Variants in DOCK9 observed in about 807,000 individuals in gnomAD.
DOCK9 encodes the protein dedicator of cytokinesis protein 9.
In DOCK9, 89 loss-of-function variants were observed where a neutral mutation model predicts 263.3. The ratio of observed to expected loss-of-function variants is 0.34; its 90% CI spans 0.28 to 0.40. DOCK9 has a LOEUF of 0.40. DOCK9 is among the 10% of genes least tolerant of loss of function. The pLI, the probability that DOCK9 is intolerant of heterozygous loss-of-function variation, is 1.00. For synonymous variants in DOCK9, 976 were observed against 973.1 expected (o/e 1.00, Z -0.06); for missense variants, 2,140 against 2,603.4 (o/e 0.82, Z 3.87).
rs373041903 is a variant in DOCK9, at chr13:98,914,314, T to A, written c.960+14A>T. The stretch of plus-strand genomic sequence containing the variant: ...AGCATTCAACGAAGAGCAGAAGATA[T>A]AAGACGATGTTACCTTGGCAAGTTC... On this transcript the variant is annotated intron_variant, in intron 9 of 52. Transcript: ENST00000682017. 6.2e-7 allele frequency: 1 copy of A among 1,603,712 alleles called. No individual in the cohort carries two copies. Among genetic ancestry groups the A allele is most frequent in the South Asian group, 1.1e-5 (1 of 88,654 alleles).
intron 1 of DOCK9, among the ~76,000 whole-genome samples, chr13:99,007,792 C>A (rs921163566): frequency 1.3e-5 from 2 of 152,132 alleles, no homozygotes; most frequent in Non-Finnish European, 2.9e-5. Context: ...CAACAGGTGA[C>A]CCCATCATCA....
intron 9 of DOCK9, among the ~76,000 whole-genome samples, chr13:98,913,424 GA>G (rs1014917506): frequency 7.9e-5 from 12 of 151,626 alleles, no homozygotes; most frequent in African/African-American, 1.9e-4. Flanking sequence ...GTTTATAATA[GA>G]AAAAAATGAA....
chr13:98,962,074 T>A (rs2058696810), intron 1 of DOCK9, among the ~76,000 whole-genome samples: 1 of 152,134 alleles, frequency 6.6e-6, no homozygotes, highest in Non-Finnish European at 1.5e-5. Context: ...TTTTCTAAAC[T>A]CTCAATAATA....
chr13:98,829,820 T>C lies in DOCK9; in HGVS notation c.4636-64A>G. 1 of 1,427,004 alleles carries C rather than the reference T, an allele frequency of 7.0e-7. No individual in the cohort carries two copies. The allele number at this position is 1,427,004 out of a possible 1,614,324, so 88.4% of individuals were successfully genotyped here. On this transcript the variant is annotated intron_variant, in intron 41 of 52. Transcript: ENST00000682017. The surrounding 1 kb of genome is among the most constrained non-coding windows in gnomAD (Gnocchi z 4.1). The stretch of plus-strand genomic sequence containing the variant: ...CAAATGACTGCCCAGGCTGGGCTTC[T>C]GCGTTCAGTTAGGATGTGCCTAAGG...
At chr13:98,838,746 A>C (rs1456866300) in intron 38 of DOCK9, among the ~76,000 whole-genome samples, 1 of 152,256 alleles carries the variant, frequency 6.6e-6, no homozygotes, top group Non-Finnish European at 1.5e-5. Flanking sequence ...GCAATATAAT[A>C]AAACACCATG....
chr13:98,867,434 T>G lies in DOCK9; in HGVS notation c.3277A>C (p.Arg1093=). Reference sequence around the variant, plus strand: ...AATAAAGATGGATTACCTTGGTATCTTTGAATCCTGCCTTTTCCAAATGGC... The same window carrying G: ...AATAAAGATGGATTACCTTGGTATCGTTGAATCCTGCCTTTTCCAAATGGC... The part of the protein sequence containing the change: ...PMPFGKGRIQ[R]YQDLQLDYSL... Residue 1093 remains arginine, a synonymous_variant, in exon 30 of 53, where the codon AGA becomes CGA. Coordinates refer to ENST00000682017, the MANE Select transcript of DOCK9 (RefSeq NM_001366683.2). 1 of 1,588,308 alleles carries G rather than the reference T, an allele frequency of 6.3e-7. No individual in the cohort carries two copies. Among genetic ancestry groups the G allele is most frequent in the Non-Finnish European group, 8.6e-7 (1 of 1,158,644 alleles).
intron 1 of DOCK9, among the ~76,000 whole-genome samples, chr13:99,008,228 ATATATATTTT>A (rs1567201209): frequency 2.5e-4 from 29 of 118,040 alleles, no homozygotes; most frequent in African/African-American, 8.2e-4. Context: ...ATATATATAT[ATATATATTTT>A]TTTTTTTTTT....
intron 15 of DOCK9, among the ~76,000 whole-genome samples, chr13:98,891,591 G>A (rs1383682739): frequency 1.3e-5 from 2 of 151,998 alleles, no homozygotes; most frequent in African/African-American, 2.4e-5. Context: ...ATTAAAATAC[G>A]TTTCTAAGCA....
At chr13:98,902,682 C>T (rs2048471367) in intron 11 of DOCK9, among the ~76,000 whole-genome samples, 191 bp from the exon 12 acceptor site, 1 of 152,158 alleles carries the variant, frequency 6.6e-6, no homozygotes, top group African/African-American at 2.4e-5. Flanking sequence ...AATTATTTTA[C>T]CTTTATGTGT....
At chr13:98,998,535 G>A (rs1434030251) in intron 1 of DOCK9, among the ~76,000 whole-genome samples, 4 of 152,062 alleles carry the variant, frequency 2.6e-5, no homozygotes, top group Non-Finnish European at 5.9e-5. Flanking sequence ...AAGAATTTCC[G>A]AACCAAGAGA....
chr13:98,802,575 T>C (rs540794332), intron 49 of DOCK9, among the ~76,000 whole-genome samples: 1 of 152,322 alleles, frequency 6.6e-6, no homozygotes, highest in East Asian at 1.9e-4. Context: ...TGGCAAAAGT[T>C]CCATGAAAGA....
At chr13:99,037,912 G>A (rs1888058438) in intron 1 of DOCK9, among the ~76,000 whole-genome samples, 1 of 152,154 alleles carries the variant, frequency 6.6e-6, no homozygotes, top group Non-Finnish European at 1.5e-5. Context: ...ACACAAAACA[G>A]ATCTGTGTTA....
upstream of DOCK9, among the ~76,000 whole-genome samples, chr13:99,086,897 C>T (rs1462967198): frequency 6.6e-6 from 1 of 151,870 alleles, no homozygotes; most frequent in Non-Finnish European, 1.5e-5. Flanking sequence ...GTCCGAAGAC[C>T]GGAGGAGGGG....
At position 98,826,921 on chromosome 13, in the gene DOCK9, T is replaced by C. The variant is rs373854312; in HGVS notation, c.4966-34A>G. 37 of 1,553,476 alleles carry C rather than the reference T, an allele frequency of 2.4e-5. No homozygotes were observed. In the African/African-American group the frequency reaches 3.0e-4, roughly 13 times the overall value. On this transcript the variant is annotated intron_variant, in intron 43 of 52. Transcript: ENST00000682017. ...GAAGACACATGCCTCAGAATCATCA[T>C]TCATAACAGCAAGTCATAATGCTCC...
chr13:98,809,130 T>C (rs1487066483), intron 47 of DOCK9: 1 of 1,545,382 alleles, frequency 6.5e-7, no homozygotes, highest in Non-Finnish European at 8.7e-7. Flanking sequence ...TACCGCTGCC[T>C]TAAGAAAGTA....
At chr13:98,877,860 T>C (rs2044119293) in intron 27 of DOCK9, among the ~76,000 whole-genome samples, 1 of 152,190 alleles carries the variant, frequency 6.6e-6, no homozygotes, top group Admixed American at 6.5e-5. Context: ...ATTTTGAATA[T>C]AATCACGTTA....
chr13:98,796,052 T>A (rs1264217790), intron 52 of DOCK9, among the ~76,000 whole-genome samples: 3 of 152,136 alleles, frequency 2.0e-5, no homozygotes, highest in African/African-American at 7.2e-5. Context: ...AGCCACCATG[T>A]CTGGCCTCTA....
At chr13:98,843,501 T>C (rs981170617) in intron 38 of DOCK9, among the ~76,000 whole-genome samples, 6 of 152,082 alleles carry the variant, frequency 3.9e-5, no homozygotes, top group East Asian at 1.9e-4. Flanking sequence ...ATAATGAGAA[T>C]TGGAGATGTA....
intron 27 of DOCK9, among the ~76,000 whole-genome samples, chr13:98,873,543 CT>C (rs2094244822): frequency 1.3e-5 from 2 of 152,230 alleles, no homozygotes; most frequent in Non-Finnish European, 2.9e-5. Context: ...TCATGGCTAA[CT>C]CTGGCCAATG....
Sources: gnomAD v4.1 joint callset for allele counts (sites outside exome capture counted in the v4.1 genomes callset) on GRCh38, gnomAD v4.1.1 for gene constraint, Gnocchi (gnomAD v3.1) non-coding constraint, MANE v1.5 for transcripts, NCBI Gene and HGNC (gene_info 2026-07-23, HGNC 2026-07-21) for gene names.